ARHGAP32: variants seen among roughly 807,000 people sequenced by gnomAD.
ARHGAP32 encodes the protein Rho GTPase activating protein 32.
In ARHGAP32, 51 loss-of-function variants were observed where a neutral mutation model predicts 186.5. The ratio of observed to expected loss-of-function variants is 0.27; its 90% CI spans 0.22 to 0.35. ARHGAP32 has a LOEUF of 0.35. ARHGAP32 is among the 10% of genes least tolerant of loss of function. The pLI, the probability that ARHGAP32 is intolerant of heterozygous loss-of-function variation, is 1.00. For synonymous variants in ARHGAP32, 950 were observed against 964.3 expected, an observed-to-expected ratio of 0.99 and a Z score of 0.27; for missense variants, 2,186 against 2,623.5, an observed-to-expected ratio of 0.83 and a Z score of 3.64.
At chr11:128,992,426 TCACCAC>T (rs111702287) in intron 12 of ARHGAP32, among the ~76,000 whole-genome samples, 4 of 151,412 alleles carry the variant, frequency 2.6e-5, no homozygotes, top group Non-Finnish European at 5.9e-5. Context: ...TAACGTCACA[TCACCAC>T]CACCACCACC....
intron 5 of ARHGAP32, among the ~76,000 whole-genome samples, chr11:129,099,086 C>T (rs973921920): frequency 5.9e-5 from 9 of 152,000 alleles, no homozygotes; most frequent in African/African-American, 2.2e-4. Flanking sequence ...ATAAAGAAAA[C>T]ATATAGAAAA....
chr11:128,965,884 A>C lies in ARHGAP32; in HGVS notation c.*3023T>G, dbSNP rs1945211951. ...CCTCCGTCCCCACTCACGTTAGTTA[A>C]CAGTCCCTCCTCTCTACAGAATTAG... On this transcript the variant is annotated 3_prime_UTR_variant, in exon 23 of 23. Transcript: ENST00000682385. The C allele has an allele frequency of 6.6e-6, 1 of 152,164 alleles. No individual in the cohort carries two copies. 9.4% of individuals were successfully genotyped at this position (152,164 alleles called of 1,614,324 possible). A position where few individuals can be genotyped will look rare whatever the true frequency, so the allele number is the denominator to read the frequency against.
intron 5 of ARHGAP32, among the ~76,000 whole-genome samples, chr11:129,099,410 A>G (rs1941826982): frequency 6.6e-6 from 1 of 152,200 alleles, no homozygotes; most frequent in Non-Finnish European, 1.5e-5. Context: ...GCTACACCAG[A>G]TAGCTTGGGT....
chr11:129,231,026 T>C (rs1462551069), intron 1 of ARHGAP32, among the ~76,000 whole-genome samples: 4 of 152,130 alleles, frequency 2.6e-5, no homozygotes, highest in African/African-American at 9.6e-5. Context: ...TCCCAGCTAC[T>C]CGGGAGGCTG....
chr11:129,061,537 G>GTTT (rs1940503743), intron 10 of ARHGAP32, among the ~76,000 whole-genome samples: 1 of 152,050 alleles, frequency 6.6e-6, no homozygotes, highest in South Asian at 2.1e-4. Flanking sequence ...GTCAAATAAG[G>GTTT]ATTACTTGAA....
intron 15 of ARHGAP32, among the ~76,000 whole-genome samples, chr11:128,983,116 T>C (rs930524826): frequency 1.3e-5 from 2 of 152,126 alleles, no homozygotes; most frequent in South Asian, 4.1e-4. Context: ...ATTCTCATAA[T>C]AGCTCTAACA....
At position 129,066,791 on chromosome 11, in the gene ARHGAP32, G is replaced by T; in HGVS notation, c.609C>A (p.Asp203Glu). Residue 203 changes from aspartate to glutamate, a missense_variant, in exon 7 of 23, where the codon GAC becomes GAA. Physicochemically the swap from Asp to Glu is conservative, Grantham distance 45 (BLOSUM62 2). This residue lies in a region of ARHGAP32 where 308 missense variants were observed against 596.5 expected (regional missense o/e 0.52). Coordinates refer to ENST00000682385, the MANE Select transcript of ARHGAP32 (RefSeq NM_001378024.1). ...LDKHLHLCIYDRRFSQLSELP... is the reference protein window; with the variant it reads ...LDKHLHLCIYERRFSQLSELP... ...GTTCTGAGAGCTGGGAAAATCTTCGGTCATAAATACACAGATGAAGATGTT... is the reference window on the plus strand; with the variant it reads ...GTTCTGAGAGCTGGGAAAATCTTCGTTCATAAATACACAGATGAAGATGTT... 1 of 1,612,282 alleles carries T rather than the reference G, an allele frequency of 6.2e-7. No individual in the cohort carries two copies. Among genetic ancestry groups the T allele is most frequent in the Non-Finnish European group, 8.5e-7 (1 of 1,178,916 alleles).
intron 5 of ARHGAP32, among the ~76,000 whole-genome samples, chr11:129,099,514 A>T (rs1454449184): frequency 6.6e-6 from 1 of 152,194 alleles, no homozygotes; most frequent in Non-Finnish European, 1.5e-5. Flanking sequence ...TAACCCTGTT[A>T]AGTGATGCAT....
At chr11:129,140,760 C>A (rs1474321536) in intron 2 of ARHGAP32, among the ~76,000 whole-genome samples, 1 of 152,198 alleles carries the variant, frequency 6.6e-6, no homozygotes, top group Non-Finnish European at 1.5e-5. Flanking sequence ...AGATCTGACA[C>A]AGTTCAATAA....
chr11:129,239,674 T>C (rs1026544470), intron 1 of ARHGAP32, among the ~76,000 whole-genome samples: 2 of 152,106 alleles, frequency 1.3e-5, no homozygotes, highest in Non-Finnish European at 2.9e-5. Flanking sequence ...ACCCCCTCAC[T>C]TCCCACATTG....
At chr11:129,015,917 C>A (rs572988184) in intron 11 of ARHGAP32, among the ~76,000 whole-genome samples, 401 of 152,180 alleles carry the variant, frequency 2.6e-3, no homozygotes, top group African/African-American at 9.1e-3. Context: ...CTGGCACTCA[C>A]GTTTAGGAGG....
At chr11:129,090,802 G>A (rs1941552858) in intron 6 of ARHGAP32, among the ~76,000 whole-genome samples, 1 of 151,990 alleles carries the variant, frequency 6.6e-6, no homozygotes, top group African/African-American at 2.4e-5. Context: ...TGTGTAGTGG[G>A]GCTCAATATA....
intron 1 of ARHGAP32, among the ~76,000 whole-genome samples, chr11:129,206,690 AT>A (rs1320487335): frequency 1.3e-4 from 19 of 151,744 alleles, no homozygotes; most frequent in Admixed American, 1.1e-3. Flanking sequence ...TATCTTGCTG[AT>A]TATGTCTCAG....
At chr11:129,164,073 T>G (rs117585782) in intron 2 of ARHGAP32, among the ~76,000 whole-genome samples, 2,215 of 152,242 alleles carry the variant, frequency 0.015, 32 homozygotes, top group Middle Eastern at 0.024. Context: ...AGGCCATCTG[T>G]GACTACCCTA....
chr11:128,984,387 G>A (rs1945802456), intron 15 of ARHGAP32, among the ~76,000 whole-genome samples: 1 of 151,386 alleles, frequency 6.6e-6, no homozygotes, highest in Non-Finnish European at 1.5e-5. Flanking sequence ...AAAAAAAAAG[G>A]AAATAGAAAA....
chr11:129,168,416 A>G (rs1322970377), intron 1 of ARHGAP32, among the ~76,000 whole-genome samples: 1 of 152,246 alleles, frequency 6.6e-6, no homozygotes, highest in East Asian at 1.9e-4. Flanking sequence ...AGGTATTACT[A>G]GAAATAAAGG....
At chr11:129,009,713 C>A (rs185317927) in intron 11 of ARHGAP32, among the ~76,000 whole-genome samples, 1 of 152,094 alleles carries the variant, frequency 6.6e-6, no homozygotes, top group Non-Finnish European at 1.5e-5. Flanking sequence ...ATATGTATCC[C>A]TTTTTTTTAA....
chr11:129,052,637 T>A (rs967414288), intron 10 of ARHGAP32, among the ~76,000 whole-genome samples: 1 of 152,114 alleles, frequency 6.6e-6, no homozygotes, highest in South Asian at 2.1e-4. Context: ...TCCTAAGTAT[T>A]TCCTATTTTT....
intron 11 of ARHGAP32, among the ~76,000 whole-genome samples, chr11:129,037,951 A>C (rs1009710375): frequency 2.0e-5 from 3 of 151,832 alleles, no homozygotes; most frequent in Admixed American, 2.0e-4. Context: ...AAATATAAAA[A>C]TCAGCCAGGT....
Sources: gnomAD v4.1 joint callset for allele counts (sites outside exome capture counted in the v4.1 genomes callset) on GRCh38, gnomAD v4.1.1 for gene constraint, gnomAD v4.1.1 regional missense constraint, MANE v1.5 for transcripts, NCBI Gene and HGNC (gene_info 2026-07-23, HGNC 2026-07-21) for gene names.